The following MECOM variants were observed in gnomAD, a reference collection of about 807,000 sequenced individuals.
MECOM encodes the protein MDS1 and EVI1 complex locus.
A neutral mutation model predicts 116.3 loss-of-function variants in MECOM; 13 were observed. That is an observed-to-expected ratio of 0.11 (90% CI 0.07 to 0.18). The LOEUF (loss-of-function observed/expected upper bound fraction) is 0.18. Among genes scored for constraint, MECOM ranks in the 10% least tolerant of loss-of-function variants. The pLI is 1.00. For synonymous variants in MECOM, 528 were observed against 535.2 expected, an observed-to-expected ratio of 0.99 and a Z score of 0.19; for missense variants, 1,299 against 1,509.0, an observed-to-expected ratio of 0.86 and a Z score of 2.31.
At chr3:169,142,207 T>C (rs548058103) in intron 3 of MECOM, among the ~76,000 whole-genome samples, 3 of 152,080 alleles carry the variant, frequency 2.0e-5, no homozygotes, top group East Asian at 3.9e-4. Flanking sequence ...TAGACTTAGA[T>C]TGGCTACAAG....
At chr3:169,343,072 G>A (rs952654088) in intron 2 of MECOM, among the ~76,000 whole-genome samples, 1 of 152,098 alleles carries the variant, frequency 6.6e-6, no homozygotes, top group Non-Finnish European at 1.5e-5. Flanking sequence ...ATGAAAATGG[G>A]CAAAGAAAGG....
chr3:169,323,525 C>G (rs1031785405), intron 2 of MECOM, among the ~76,000 whole-genome samples: 1 of 152,118 alleles, frequency 6.6e-6, no homozygotes, highest in African/African-American at 2.4e-5. Flanking sequence ...TATCTAAAAG[C>G]AACAGTATGT....
At position 169,143,679 on chromosome 3, in the gene MECOM, G is replaced by C; in HGVS notation, c.510+19C>G. The C allele has an allele frequency of 6.5e-7, 1 of 1,550,242 alleles. No individual in the cohort carries two copies. Among genetic ancestry groups the C allele is most frequent in the Non-Finnish European group, 8.7e-7 (1 of 1,144,952 alleles). The stretch of plus-strand genomic sequence containing the variant: ...CTTTTGTGCTCTCAAGGAAAGACAA[G>C]AAAATCTTTACAACATACCTGATCA... On this transcript the variant is annotated intron_variant, in intron 3 of 16. Coordinates refer to ENST00000651503, the MANE Select transcript of MECOM (RefSeq NM_004991.4).
At chr3:169,513,052 C>T (rs1336139235) in intron 1 of MECOM, among the ~76,000 whole-genome samples, 4 of 152,190 alleles carry the variant, frequency 2.6e-5, no homozygotes, top group Non-Finnish European at 2.9e-5. Flanking sequence ...GCTCTAGGCC[C>T]GGGTCCAACT....
At chr3:169,275,749 G>T (rs572034499) in intron 2 of MECOM, among the ~76,000 whole-genome samples, 1 of 152,098 alleles carries the variant, frequency 6.6e-6, no homozygotes, top group Non-Finnish European at 1.5e-5. Context: ...AGATTAAATG[G>T]GTTGGCAATG....
rs139701302 is a variant in MECOM, at chr3:169,303,738, T to C, written c.375+77449A>G. ...TTTCCAATACCATAAATCCAGTGAA[T>C]TGGAAGCTTTATGCACCTCTCTGCC... On this transcript the variant is annotated intron_variant, in intron 2 of 16. Transcript: ENST00000651503. 2.6e-4 allele frequency among the ~76,000 whole-genome samples: 40 copies of C among 152,372 alleles called. No homozygotes were observed. In the East Asian group the frequency reaches 5.4e-3, roughly 21 times the overall value.
At chr3:169,324,572 CCTT>C (rs1176615381) in intron 2 of MECOM, among the ~76,000 whole-genome samples, 17 of 152,334 alleles carry the variant, frequency 1.1e-4, no homozygotes, top group South Asian at 8.3e-4. Flanking sequence ...AACAAACTGA[CCTT>C]CTGAGAATTT....
At chr3:169,556,470 T>C (rs557920835) in intron 1 of MECOM, among the ~76,000 whole-genome samples, 152 of 152,304 alleles carry the variant, frequency 1.0e-3, no homozygotes, top group Non-Finnish European at 1.5e-3. Flanking sequence ...TCTTGAGTCA[T>C]TGGGTAACTG....
chr3:169,648,850 G>A (rs574931054), intron 1 of MECOM, among the ~76,000 whole-genome samples: 17 of 152,190 alleles, frequency 1.1e-4, no homozygotes, highest in Non-Finnish European at 1.8e-4. Context: ...GGAAACCATG[G>A]AGACTTCAGT....
intron 2 of MECOM, among the ~76,000 whole-genome samples, chr3:169,345,197 A>G (rs1367019300): frequency 1.3e-5 from 2 of 152,138 alleles, no homozygotes; most frequent in Admixed American, 1.3e-4. Context: ...TAATCAATCC[A>G]AATTATATCA....
At position 169,084,141 on chromosome 3, in the gene MECOM, A is replaced by G. The variant is rs186794135; in HGVS notation, c.*768T>C. 8.6e-6 allele frequency: 2 copies of G among 231,984 alleles called. No homozygotes were observed. Among genetic ancestry groups the G allele is most frequent in the Non-Finnish European group, 1.7e-5 (2 of 117,308 alleles). The allele number at this position is 231,984 out of a possible 1,614,324, so 14.4% of individuals were successfully genotyped here. ...ATACATGATACACGCAACACACACA[A>G]AAAAATAAACATTAAAAACAGTGAC... On this transcript the variant is annotated 3_prime_UTR_variant, in exon 17 of 17. Coordinates refer to ENST00000651503, the MANE Select transcript of MECOM (RefSeq NM_004991.4).
chr3:169,483,845 G>A (rs1578230122), intron 1 of MECOM: 8 of 1,611,506 alleles, frequency 5.0e-6, no homozygotes, highest in East Asian at 2.2e-5. Flanking sequence ...CGGATGTCAC[G>A]GTGATCTTGC....
chr3:169,661,323 ACTCT>A (rs1207730196), intron 1 of MECOM, among the ~76,000 whole-genome samples: 4 of 113,684 alleles, frequency 3.5e-5, no homozygotes, highest in Non-Finnish European at 5.4e-5. Flanking sequence ...CCACACACAC[ACTCT>A]CTCTCTCTCC....
intron 12 of MECOM, among the ~76,000 whole-genome samples, chr3:169,096,854 C>T (rs887046413): frequency 2.0e-5 from 3 of 152,064 alleles, no homozygotes; most frequent in African/African-American, 7.2e-5. Flanking sequence ...TGATTTTTCC[C>T]CCTTAAAAAA....
At chr3:169,563,986 T>C (rs563597951) in intron 1 of MECOM, among the ~76,000 whole-genome samples, 39 of 152,280 alleles carry the variant, frequency 2.6e-4, no homozygotes, top group African/African-American at 8.9e-4. Context: ...CTAAAATCAA[T>C]TGTTTGCTTA....
intron 2 of MECOM, among the ~76,000 whole-genome samples, chr3:169,205,729 T>G (rs1158059938): frequency 6.6e-6 from 1 of 152,188 alleles, no homozygotes; most frequent in Admixed American, 6.5e-5. Context: ...AGTATTTTCA[T>G]GTTTTGGCCA....
chr3:169,587,094 G>A (rs1765861845), intron 1 of MECOM, among the ~76,000 whole-genome samples: 1 of 152,120 alleles, frequency 6.6e-6, no homozygotes, highest in African/African-American at 2.4e-5. Flanking sequence ...ACAACAAAAA[G>A]AGGTTAAATA....
At chr3:169,267,871 G>T (rs1183512679) in intron 2 of MECOM, among the ~76,000 whole-genome samples, 2 of 152,068 alleles carry the variant, frequency 1.3e-5, no homozygotes, top group African/African-American at 4.8e-5. Flanking sequence ...GGAAAAGGAA[G>T]AGAAGACTCC....
intron 1 of MECOM, among the ~76,000 whole-genome samples, chr3:169,466,580 C>A (rs1748338979): frequency 2.0e-5 from 3 of 152,132 alleles, no homozygotes; most frequent in Admixed American, 2.0e-4. Context: ...TCTGTGTTTG[C>A]ACTTTATTTG....
Sources: allele counts gnomAD v4.1 joint callset (sites outside exome capture counted in the v4.1 genomes callset), GRCh38; gene constraint gnomAD v4.1.1; transcripts MANE v1.5; gene names NCBI Gene and HGNC (gene_info 2026-07-23, HGNC 2026-07-21).